NRG3: variants seen among roughly 807,000 people sequenced by gnomAD.
NRG3 encodes neuregulin 3.
NRG3 carries 31 observed loss-of-function variants against 66.9 expected under a neutral mutation model. The observed-to-expected ratio is 0.46, with a 90% CI of 0.35 to 0.63. NRG3 has a LOEUF of 0.63. NRG3 is among the 20% of genes least tolerant of loss of function. NRG3 has a pLI of 0.00. For missense variants in NRG3, 910 were observed against 878.9 expected, an observed-to-expected ratio of 1.04 and a Z score of -0.45; for synonymous variants, 393 against 359.4, an observed-to-expected ratio of 1.09 and a Z score of -1.06.
chr10:82,935,877 A>C (rs972465167), intron 4 of NRG3, among the ~76,000 whole-genome samples: 2 of 116,366 alleles, frequency 1.7e-5, no homozygotes, highest in African/African-American at 4.1e-5. Flanking sequence ...AATACTGAGC[A>C]AAAAAAAAAA....
intron 1 of NRG3, among the ~76,000 whole-genome samples, chr10:81,902,680 G>A (rs1255016541): frequency 6.6e-6 from 1 of 152,126 alleles, no homozygotes; most frequent in Non-Finnish European, 1.5e-5. Flanking sequence ...ATAGCATCCT[G>A]CACTAAGACA....
chr10:82,054,302 AG>A (rs1202666023), intron 1 of NRG3, among the ~76,000 whole-genome samples: 1 of 152,218 alleles, frequency 6.6e-6, no homozygotes, highest in African/African-American at 2.4e-5. Context: ...AGAGATATTG[AG>A]AAGTGGCTGG....
At chr10:82,627,042 A>G (rs2049477506) in intron 2 of NRG3, among the ~76,000 whole-genome samples, 1 of 152,000 alleles carries the variant, frequency 6.6e-6, no homozygotes. Flanking sequence ...TGTAGTTTAA[A>G]TAACTCTACA....
intron 1 of NRG3, among the ~76,000 whole-genome samples, chr10:82,159,025 A>AT (rs908730150): frequency 6.6e-6 from 1 of 151,682 alleles, no homozygotes; most frequent in African/African-American, 2.4e-5. Flanking sequence ...ATAGGTTTCA[A>AT]TTTTTTTTAG....
At chr10:82,406,779 T>C (rs975711455) in intron 2 of NRG3, among the ~76,000 whole-genome samples, 1 of 152,112 alleles carries the variant, frequency 6.6e-6, no homozygotes, top group Non-Finnish European at 1.5e-5. Flanking sequence ...TGGGAGCTTG[T>C]TGACTTAGAA....
At chr10:82,006,203 A>G (rs1156676231) in intron 1 of NRG3, among the ~76,000 whole-genome samples, 1 of 152,062 alleles carries the variant, frequency 6.6e-6, no homozygotes, top group Non-Finnish European at 1.5e-5. Context: ...ATTATTAGTG[A>G]GATTATTAGT....
At chr10:82,663,160 CAA>C (rs1357944662) in intron 2 of NRG3, among the ~76,000 whole-genome samples, 1 of 152,168 alleles carries the variant, frequency 6.6e-6, no homozygotes, top group Non-Finnish European at 1.5e-5. Flanking sequence ...AACTGAGTCT[CAA>C]AGAGATAAAT....
At chr10:82,573,936 G>T (rs760167099) in intron 2 of NRG3, among the ~76,000 whole-genome samples, 6 of 151,706 alleles carry the variant, frequency 4.0e-5, no homozygotes, top group Non-Finnish European at 7.4e-5. Flanking sequence ...AGAAGTGCAG[G>T]AATTTCAATT....
chr10:82,204,768 G>C (rs1257702521), intron 1 of NRG3, among the ~76,000 whole-genome samples: 1 of 152,134 alleles, frequency 6.6e-6, no homozygotes. Context: ...GCCATATGCT[G>C]TCTACTTGAA....
intron 2 of NRG3, among the ~76,000 whole-genome samples, chr10:82,584,297 G>A (rs1441260598): frequency 6.6e-6 from 1 of 152,030 alleles, no homozygotes; most frequent in African/African-American, 2.4e-5. Flanking sequence ...TGTTGGCCAT[G>A]CTGGTCTTGA....
chr10:81,886,875 A>G (rs940532047), intron 1 of NRG3, among the ~76,000 whole-genome samples: 6 of 152,178 alleles, frequency 3.9e-5, no homozygotes, highest in African/African-American at 1.4e-4. Flanking sequence ...TAGATTTAAT[A>G]TATAGTAACT....
intron 1 of NRG3, among the ~76,000 whole-genome samples, chr10:81,936,664 G>A (rs999199612): frequency 1.3e-5 from 2 of 152,038 alleles, no homozygotes; most frequent in African/African-American, 4.8e-5. Context: ...TGCTCCGTAA[G>A]GTGGTTGGGG....
chr10:82,196,914 C>A (rs1353297548), intron 1 of NRG3, among the ~76,000 whole-genome samples: 1 of 152,140 alleles, frequency 6.6e-6, no homozygotes, highest in Non-Finnish European at 1.5e-5. Flanking sequence ...TAGATTTATT[C>A]CTGGGAAACT....
intron 4 of NRG3, among the ~76,000 whole-genome samples, chr10:82,888,628 T>C (rs572219210): frequency 2.2e-4 from 33 of 152,294 alleles, no homozygotes; most frequent in African/African-American, 7.7e-4. Flanking sequence ...GTATTGGGAA[T>C]GCAGAATGAT....
At chr10:82,508,397 A>G (rs1213233447) in intron 2 of NRG3, among the ~76,000 whole-genome samples, 1 of 152,166 alleles carries the variant, frequency 6.6e-6, no homozygotes, top group Non-Finnish European at 1.5e-5. Context: ...AAGAAATACA[A>G]TGGTGGAAGT....
intron 2 of NRG3, among the ~76,000 whole-genome samples, chr10:82,540,673 A>T (rs886676592): frequency 1.3e-5 from 2 of 152,118 alleles, no homozygotes; most frequent in Non-Finnish European, 2.9e-5. Flanking sequence ...AAAGTGATGG[A>T]GGGATTAATC....
intron 1 of NRG3, among the ~76,000 whole-genome samples, chr10:82,197,148 T>C (rs1457026718): frequency 6.6e-6 from 1 of 152,188 alleles, no homozygotes; most frequent in Admixed American, 6.5e-5. Flanking sequence ...CAACTGGCCC[T>C]CACAGGAAGT....
At chr10:82,442,037 A>C (rs2090457830) in intron 2 of NRG3, among the ~76,000 whole-genome samples, 1 of 152,200 alleles carries the variant, frequency 6.6e-6, no homozygotes, top group Non-Finnish European at 1.5e-5. Context: ...TCATTTTTAC[A>C]GAGATGGTGA....
intron 2 of NRG3, among the ~76,000 whole-genome samples, chr10:82,604,588 T>C (rs1310837764): frequency 6.6e-6 from 1 of 152,124 alleles, no homozygotes; most frequent in Non-Finnish European, 1.5e-5. Flanking sequence ...ACTATTTGAC[T>C]TGAGGACATG....
Sources: allele counts gnomAD v4.1 joint callset (sites outside exome capture counted in the v4.1 genomes callset), GRCh38; gene constraint gnomAD v4.1.1; transcripts MANE v1.5; gene names NCBI Gene and HGNC (gene_info 2026-07-23, HGNC 2026-07-21).